PCDH15: variants seen among roughly 807,000 people sequenced by gnomAD.
PCDH15 encodes the protein protocadherin-15.
In PCDH15, 129 loss-of-function variants were observed where a neutral mutation model predicts 178.5. The observed-to-expected ratio is 0.72, with a 90% CI of 0.63 to 0.84. The LOEUF is 0.84. Ranked by LOEUF, PCDH15 falls within the 40% of genes least tolerant of loss-of-function variation. The probability of loss-of-function intolerance (pLI) is 0.00; values close to 1 mark genes in which losing one functional copy is unlikely to be tolerated. For synonymous variants in PCDH15, 800 were observed against 732.0 expected (o/e 1.09, Z -1.50); for missense variants, 2,230 against 2,099.9 (o/e 1.06, Z -1.21).
At chr10:55,428,641 T>C (rs1838813539) in intron 2 of PCDH15, among the ~76,000 whole-genome samples, 1 of 151,926 alleles carries the variant, frequency 6.6e-6, no homozygotes, top group African/African-American at 2.4e-5. Context: ...TTTGATAACA[T>C]ATTTTAGGGC....
chr10:54,985,008 G>T (rs984603619), intron 2 of PCDH15, among the ~76,000 whole-genome samples: 8 of 151,902 alleles, frequency 5.3e-5, no homozygotes, highest in Non-Finnish European at 1.2e-4. Context: ...CCTTATGATG[G>T]GTAAGTAAAA....
At chr10:55,572,772 G>A (rs970122523) in intron 2 of PCDH15, among the ~76,000 whole-genome samples, 1 of 152,018 alleles carries the variant, frequency 6.6e-6, no homozygotes, top group African/African-American at 2.4e-5. Context: ...ATGAAATCAA[G>A]GTAAAAGGCA....
At chr10:55,584,897 T>C (rs1482021205) in intron 2 of PCDH15, among the ~76,000 whole-genome samples, 6 of 151,440 alleles carry the variant, frequency 4.0e-5, no homozygotes, top group Non-Finnish European at 7.4e-5. Context: ...GAATAAATCA[T>C]AGGCACTTGA....
intron 8 of PCDH15, among the ~76,000 whole-genome samples, chr10:54,305,339 G>A (rs978843): frequency 0.72 from 109,900 of 151,840 alleles, 40,626 homozygotes; most frequent in Middle Eastern, 0.82. Flanking sequence ...TATTTTTTTT[G>A]AACAGTGAAG....
At chr10:55,507,652 A>T (rs1322805682) in intron 2 of PCDH15, among the ~76,000 whole-genome samples, 1 of 151,542 alleles carries the variant, frequency 6.6e-6, no homozygotes, top group Non-Finnish European at 1.5e-5. Context: ...ACTTTCATAT[A>T]GCATAATTGG....
intron 3 of PCDH15, among the ~76,000 whole-genome samples, chr10:54,501,848 T>C (rs2080723790): frequency 6.6e-6 from 1 of 152,090 alleles, no homozygotes; most frequent in Admixed American, 6.6e-5. Flanking sequence ...GTTTTTAATG[T>C]GTTATGATAA....
At chr10:54,644,416 C>T (rs1300393003) in intron 2 of PCDH15, among the ~76,000 whole-genome samples, 2 of 151,488 alleles carry the variant, frequency 1.3e-5, no homozygotes, top group Non-Finnish European at 2.9e-5. Flanking sequence ...TATTTGTTGA[C>T]TGTATAAAAG....
chr10:54,231,118 T>A lies in PCDH15; in HGVS notation c.985+5705A>T, dbSNP rs542085865. On this transcript the variant is annotated intron_variant, in intron 9 of 37. Coordinates refer to ENST00000644397, the MANE Select transcript of PCDH15 (RefSeq NM_001384140.1). ...TATGCTTTTCTTTCAGAGACCTTCA[T>A]GGCAGGTTTCTCCACCATAGGCCTT... Among the ~76,000 whole-genome samples the A allele has an allele frequency of 5.3e-5, 8 of 152,332 alleles. No individual in the cohort carries two copies. In the South Asian group the frequency reaches 1.7e-3, roughly 32 times the overall value.
intron 8 of PCDH15, among the ~76,000 whole-genome samples, chr10:54,304,418 T>C (rs543728989): frequency 1.1e-3 from 165 of 152,220 alleles, no homozygotes; most frequent in Non-Finnish European, 1.8e-3. Context: ...AACCTGATAT[T>C]GATTGATGAG....
chr10:54,242,175 T>C lies in PCDH15; in HGVS notation c.877-5244A>G, dbSNP rs868506430. ...ATATATATATATATATATATATATA[T>C]ATATATATATATACACACACACACA... is the stretch of plus-strand genomic sequence containing the variant. On this transcript the variant is annotated intron_variant, in intron 8 of 37. Transcript: ENST00000644397. Among the ~76,000 whole-genome samples the C allele has an allele frequency of 6.8e-4, 61 of 89,504 alleles. 4 individuals are homozygous for C. Among genetic ancestry groups the C allele is most frequent in the African/African-American group, 2.1e-3 (43 of 20,298 alleles). 58.7% of individuals were successfully genotyped at this position (89,504 alleles called of 152,430 possible).
At chr10:55,374,255 G>C (rs1168408139) in intron 2 of PCDH15, among the ~76,000 whole-genome samples, 1 of 152,038 alleles carries the variant, frequency 6.6e-6, no homozygotes, top group African/African-American at 2.4e-5. Flanking sequence ...GTGGAGATTT[G>C]GTCTTTTGTT....
intron 3 of PCDH15, among the ~76,000 whole-genome samples, chr10:54,861,511 G>T (rs1362234287): frequency 1.3e-5 from 2 of 152,062 alleles, no homozygotes; most frequent in African/African-American, 4.8e-5. Context: ...GGACCAGATG[G>T]ATTCACAGCC....
At chr10:53,888,876 G>A (rs904170699) in intron 26 of PCDH15, among the ~76,000 whole-genome samples, 2 of 149,638 alleles carry the variant, frequency 1.3e-5, no homozygotes, top group Admixed American at 1.3e-4. Context: ...AAGACAAACA[G>A]GTCAATGAAA....
chr10:55,605,044 T>C, intron 2 of PCDH15, among the ~76,000 whole-genome samples: 2 of 151,552 alleles, frequency 1.3e-5, no homozygotes, highest in Non-Finnish European at 2.9e-5. Context: ...ATAGACGCAA[T>C]AAAAAATGAT....
At chr10:55,426,619 G>A (rs1284528410) in intron 2 of PCDH15, among the ~76,000 whole-genome samples, 1 of 152,166 alleles carries the variant, frequency 6.6e-6, no homozygotes, top group African/African-American at 2.4e-5. Context: ...TTCATGTGAG[G>A]TGGCTGCCTT....
chr10:54,241,393 C>G (rs953776457), intron 8 of PCDH15, among the ~76,000 whole-genome samples: 2 of 152,174 alleles, frequency 1.3e-5, no homozygotes, highest in Non-Finnish European at 2.9e-5. Flanking sequence ...AAATGTTCCT[C>G]TATTTTATTA....
chr10:54,840,903 C>T (rs1482995057), intron 3 of PCDH15, among the ~76,000 whole-genome samples: 2 of 151,598 alleles, frequency 1.3e-5, no homozygotes, highest in East Asian at 1.9e-4. Flanking sequence ...TATATGCACC[C>T]AACAATAGAT....
intron 21 of PCDH15, among the ~76,000 whole-genome samples, chr10:53,974,941 C>G (rs146661234): frequency 1.3e-5 from 2 of 152,088 alleles, no homozygotes; most frequent in Non-Finnish European, 2.9e-5. Context: ...CTTCCCCCAC[C>G]TCCTCTAATA....
At chr10:54,279,335 A>G (rs998663477) in intron 8 of PCDH15, among the ~76,000 whole-genome samples, 1 of 151,534 alleles carries the variant, frequency 6.6e-6, no homozygotes, top group Middle Eastern at 3.2e-3. Flanking sequence ...CCGAACACCA[A>G]TTTTTAAATG....
Sources: gnomAD v4.1 joint callset for allele counts (sites outside exome capture counted in the v4.1 genomes callset) on GRCh38, gnomAD v4.1.1 for gene constraint, MANE v1.5 for transcripts, NCBI Gene and HGNC (gene_info 2026-07-23, HGNC 2026-07-21) for gene names.